The following RNF220 variants were observed in gnomAD, a reference collection of about 807,000 sequenced individuals.
RNF220 encodes ring finger protein 220.
A neutral mutation model predicts 67.1 loss-of-function variants in RNF220; 7 were observed. That is an observed-to-expected ratio of 0.10 (90% CI 0.06 to 0.20). RNF220 has a LOEUF of 0.20. Among genes scored for constraint, RNF220 ranks in the 10% least tolerant of loss-of-function variants. RNF220 has a pLI of 1.00. For synonymous variants in RNF220, 270 were observed against 283.2 expected (o/e 0.95, Z 0.47); for missense variants, 565 against 740.3 (o/e 0.76, Z 2.75).
chr1:44,430,025 A>AAAATGAGT (rs1276939965), intron 2 of RNF220, among the ~76,000 whole-genome samples: 2 of 152,062 alleles, frequency 1.3e-5, no homozygotes, highest in Non-Finnish European at 2.9e-5. Context: ...AGTGGTTAAA[A>AAAATGAGT]AAATGAGTTA....
intron 2 of RNF220, among the ~76,000 whole-genome samples, chr1:44,502,903 C>CTATA (rs1242759662): frequency 2.0e-5 from 3 of 152,112 alleles, no homozygotes; most frequent in Non-Finnish European, 2.9e-5. Context: ...GTAGCTGGGA[C>CTATA]TATAGAAGCA....
chr1:44,560,304 G>A (rs185555233), intron 2 of RNF220, among the ~76,000 whole-genome samples: 1 of 152,266 alleles, frequency 6.6e-6, no homozygotes, highest in Non-Finnish European at 1.5e-5. Flanking sequence ...AAGAATCATG[G>A]TGTGACTGGA....
At chr1:44,444,173 C>T (rs1249582246) in intron 2 of RNF220, among the ~76,000 whole-genome samples, 3 of 152,186 alleles carry the variant, frequency 2.0e-5, no homozygotes, top group Non-Finnish European at 2.9e-5. Flanking sequence ...ATAACCCATC[C>T]TCTCTTACTT....
chr1:44,630,627 G>GCA (rs374532056), intron 5 of RNF220, among the ~76,000 whole-genome samples: 1 of 53,112 alleles, frequency 1.9e-5, no homozygotes, highest in Non-Finnish European at 3.9e-5. Context: ...CAGTGGAACT[G>GCA]AAAACTCAGA....
intron 6 of RNF220, among the ~76,000 whole-genome samples, chr1:44,633,398 C>T (rs1030139998): frequency 6.6e-6 from 1 of 152,194 alleles, no homozygotes; most frequent in African/African-American, 2.4e-5. Context: ...GCCATGCTAC[C>T]TCCTTGGCAA....
intron 2 of RNF220, among the ~76,000 whole-genome samples, chr1:44,486,688 G>A (rs767565943): frequency 6.6e-5 from 10 of 152,150 alleles, no homozygotes; most frequent in African/African-American, 2.2e-4. Context: ...TCTGTTGAAC[G>A]GTAAAGCCCA....
chr1:44,626,784 A>G (rs1463959616), intron 5 of RNF220: 1 of 181,732 alleles, frequency 5.5e-6, no homozygotes, highest in Non-Finnish European at 1.2e-5. Flanking sequence ...CATGCCTGTA[A>G]TCTCAGCACT....
intron 2 of RNF220, among the ~76,000 whole-genome samples, chr1:44,604,406 A>G (rs914585999): frequency 6.6e-6 from 1 of 152,192 alleles, no homozygotes; most frequent in Non-Finnish European, 1.5e-5. Flanking sequence ...TAAAGGAGAG[A>G]AACTGAATTG....
intron 2 of RNF220, among the ~76,000 whole-genome samples, chr1:44,496,661 G>T (rs928711271): frequency 6.6e-6 from 1 of 152,172 alleles, no homozygotes; most frequent in Non-Finnish European, 1.5e-5. Context: ...ACAGTGGCAT[G>T]GTTTTCTAGT....
intron 2 of RNF220, among the ~76,000 whole-genome samples, chr1:44,431,168 G>T (rs2147866454): frequency 6.6e-6 from 1 of 152,262 alleles, no homozygotes; most frequent in African/African-American, 2.4e-5. Flanking sequence ...AGCACAGACT[G>T]GTCTAGGAGC....
At chr1:44,499,412 T>C (rs774431248) in intron 2 of RNF220, among the ~76,000 whole-genome samples, 3 of 152,134 alleles carry the variant, frequency 2.0e-5, no homozygotes, top group Non-Finnish European at 4.4e-5. Flanking sequence ...GTGACCTCCC[T>C]ATTGCCAAAT....
At chr1:44,485,724 C>T (rs746340586) in intron 2 of RNF220, among the ~76,000 whole-genome samples, 38 of 152,136 alleles carry the variant, frequency 2.5e-4, no homozygotes, top group Admixed American at 1.3e-4. Flanking sequence ...GCCCCAGTTA[C>T]GAGGTCTGCA....
intron 2 of RNF220, among the ~76,000 whole-genome samples, chr1:44,529,751 T>C (rs1178237863): frequency 6.6e-6 from 1 of 152,122 alleles, no homozygotes; most frequent in Non-Finnish European, 1.5e-5. Flanking sequence ...CATAGGCCAC[T>C]TTACACAATA....
At chr1:44,458,391 G>A (rs1653418214) in intron 2 of RNF220, among the ~76,000 whole-genome samples, 1 of 148,696 alleles carries the variant, frequency 6.7e-6, no homozygotes, top group Admixed American at 6.8e-5. Flanking sequence ...TCTCAAGCCA[G>A]ACCACCTGGG....
chr1:44,489,352 C>A (rs1043740866), intron 2 of RNF220, among the ~76,000 whole-genome samples: 2 of 152,200 alleles, frequency 1.3e-5, no homozygotes, highest in Admixed American at 1.3e-4. Flanking sequence ...TATAACTATA[C>A]ATACTATGAA....
intron 2 of RNF220, among the ~76,000 whole-genome samples, chr1:44,476,582 G>C (rs1655318010): frequency 1.3e-5 from 2 of 152,154 alleles, no homozygotes; most frequent in Non-Finnish European, 1.5e-5. Context: ...CACAGTGTGT[G>C]GTCTGTGGCC....
chr1:44,515,686 C>T (rs527876351), intron 2 of RNF220, among the ~76,000 whole-genome samples: 11 of 152,142 alleles, frequency 7.2e-5, no homozygotes, highest in African/African-American at 2.7e-4. Flanking sequence ...GCTAACATTC[C>T]ATCCATGAAA....
intron 2 of RNF220, among the ~76,000 whole-genome samples, chr1:44,425,153 G>A (rs1572456733): frequency 6.6e-6 from 1 of 152,206 alleles, no homozygotes; most frequent in African/African-American, 2.4e-5. Flanking sequence ...GCCGTGACTA[G>A]GGGCTTGCTC....
At chr1:44,533,325 T>C (rs1172934259) in intron 2 of RNF220, among the ~76,000 whole-genome samples, 1 of 151,656 alleles carries the variant, frequency 6.6e-6, no homozygotes, top group Admixed American at 6.6e-5. Context: ...ACCTCATCTC[T>C]AAAAAATATC....
Sources: allele counts gnomAD v4.1 joint callset (sites outside exome capture counted in the v4.1 genomes callset), GRCh38; gene constraint gnomAD v4.1.1; transcripts MANE v1.5; gene names NCBI Gene and HGNC (gene_info 2026-07-23, HGNC 2026-07-21).